RIN2: variants seen among roughly 807,000 people sequenced by gnomAD.
RIN2 encodes Ras and Rab interactor 2.
RIN2 carries 36 observed loss-of-function variants against 78.0 expected under a neutral mutation model. The ratio of observed to expected loss-of-function variants is 0.46; its 90% CI spans 0.35 to 0.61. RIN2 has a LOEUF of 0.61. Among genes scored for constraint, RIN2 ranks in the 20% least tolerant of loss-of-function variants. The pLI, the probability that RIN2 is intolerant of heterozygous loss-of-function variation, is 0.00. For missense variants in RIN2, 1,087 were observed against 1,159.7 expected, an observed-to-expected ratio of 0.94 and a Z score of 0.91; for synonymous variants, 466 against 466.8, an observed-to-expected ratio of 1.00 and a Z score of 0.02.
chr20:19,958,993 T>C (rs1261339536), intron 5 of RIN2, among the ~76,000 whole-genome samples: 1 of 152,190 alleles, frequency 6.6e-6, no homozygotes, highest in Non-Finnish European at 1.5e-5. Context: ...GGGGTGCCCA[T>C]CCTTAATTAT....
chr20:19,816,068 T>G (rs1054205296), intron 2 of RIN2, among the ~76,000 whole-genome samples: 3 of 152,206 alleles, frequency 2.0e-5, no homozygotes, highest in African/African-American at 7.2e-5. Context: ...AAATAGTATT[T>G]GTGGATAGCT....
At chr20:19,949,696 G>A (rs999947296) in intron 4 of RIN2, among the ~76,000 whole-genome samples, 1 of 152,202 alleles carries the variant, frequency 6.6e-6, no homozygotes. Flanking sequence ...GCTCGCGGGA[G>A]CGGGTGATGT....
intron 2 of RIN2, among the ~76,000 whole-genome samples, chr20:19,807,833 G>A (rs2035454813): frequency 6.6e-6 from 1 of 152,236 alleles, no homozygotes; most frequent in South Asian, 2.1e-4. Context: ...CATGGATGCA[G>A]TTTAGCTGGA....
At chr20:19,819,220 C>T (rs2035860127) in intron 2 of RIN2, among the ~76,000 whole-genome samples, 1 of 152,188 alleles carries the variant, frequency 6.6e-6, no homozygotes, top group Non-Finnish European at 1.5e-5. Context: ...AGTCCAAGGT[C>T]CAGGTGCCAG....
intron 2 of RIN2, among the ~76,000 whole-genome samples, chr20:19,801,455 G>C (rs578096041): frequency 2.4e-4 from 36 of 152,132 alleles, no homozygotes; most frequent in African/African-American, 8.4e-4. Flanking sequence ...CGAGTAGCTG[G>C]GACTACAGGC....
Position 20,000,618 on chromosome 20 carries a change from C to A in RIN2, c.2370C>A (p.Tyr790Ter). 6.3e-7 allele frequency: 1 copy of A among 1,593,262 alleles called. No individual in the cohort carries two copies. Among genetic ancestry groups the A allele is most frequent in the South Asian group, 1.1e-5 (1 of 89,292 alleles). The change falls in exon 13 of 13, where the codon TAC (tyrosine) becomes TAA (stop). Residue 790 changes from tyrosine to a stop codon, truncating the protein, a stop_gained. Transcript: ENST00000255006. LOFTEE classifies it high-confidence loss of function. The stretch of plus-strand genomic sequence containing the variant: ...CATTCCTCTTCCACCTGCAGAATTA[C>A]CTCCGAGTTGCATTTCAGGAGGTCA... ...TIPSVDDFQN[Y>*]LRVAFQEVNS...
At chr20:19,903,676 C>A (rs6046442) in intron 3 of RIN2, among the ~76,000 whole-genome samples, 123 of 152,200 alleles carry the variant, frequency 8.1e-4, no homozygotes, top group African/African-American at 2.7e-3. Context: ...ACAGCCCCCA[C>A]GACAAAGAAT....
intron 1 of RIN2, among the ~76,000 whole-genome samples, chr20:19,786,395 C>T (rs908451190): frequency 4.6e-5 from 7 of 152,174 alleles, no homozygotes; most frequent in South Asian, 2.1e-4. Context: ...AAACAGATCA[C>T]ATGACAAAGC....
intron 2 of RIN2, among the ~76,000 whole-genome samples, chr20:19,871,014 G>T (rs374067807): frequency 2.2e-4 from 34 of 152,318 alleles, no homozygotes; most frequent in African/African-American, 6.7e-4. Context: ...AAGCCAATTT[G>T]AATGGGGTTT....
At position 19,766,562 on chromosome 20, in the gene RIN2, G is replaced by A. The variant is rs552527823; in HGVS notation, c.-163+8235G>A. On this transcript the variant is annotated intron_variant, in intron 1 of 12. Coordinates refer to ENST00000255006, the MANE Select transcript of RIN2 (RefSeq NM_018993.4). ...ACAATGGAAGAGATGTCTAAGCTACGGTGGATGGAATCATCAGTGTTAACT... is the reference window on the plus strand; with the variant it reads ...ACAATGGAAGAGATGTCTAAGCTACAGTGGATGGAATCATCAGTGTTAACT... Among the ~76,000 whole-genome samples the A allele has an allele frequency of 5.3e-5, 8 of 152,204 alleles. No homozygotes were observed. The East Asian group carries it at 7.8e-4, about 15-fold the overall frequency.
intron 3 of RIN2, among the ~76,000 whole-genome samples, chr20:19,891,884 G>A (rs2038484841): frequency 6.6e-6 from 1 of 152,254 alleles, no homozygotes; most frequent in African/African-American, 2.4e-5. Context: ...ACATTTCTTA[G>A]GAAGGTGCCC....
At chr20:19,769,924 G>GT (rs1208603419) in intron 1 of RIN2, among the ~76,000 whole-genome samples, 1 of 152,190 alleles carries the variant, frequency 6.6e-6, no homozygotes, top group Non-Finnish European at 1.5e-5. Flanking sequence ...AATAATTATT[G>GT]TAAGAGAAAA....
At chr20:19,888,694 C>T (rs764770155) in intron 2 of RIN2, among the ~76,000 whole-genome samples, 1 of 152,218 alleles carries the variant, frequency 6.6e-6, no homozygotes, top group Non-Finnish European at 1.5e-5. Context: ...TATACTTGAT[C>T]CTGGGACAGT....
chr20:19,806,957 A>T (rs1213700713), intron 2 of RIN2, among the ~76,000 whole-genome samples: 1 of 152,186 alleles, frequency 6.6e-6, no homozygotes, highest in Admixed American at 6.5e-5. Flanking sequence ...TGGCAGATCT[A>T]GGTTGGGCTC....
chr20:19,788,435 A>AAAAAAAAAAAAAACAACAAC (rs2034763522), intron 1 of RIN2, among the ~76,000 whole-genome samples: 4 of 137,808 alleles, frequency 2.9e-5, no homozygotes, highest in African/African-American at 1.2e-4. Context: ...TCTCTGCCAA[A>AAAAAAAAAAAAAACAACAAC]AAAAAAAAAA....
At chr20:19,772,693 T>G (rs144503203) in intron 1 of RIN2, among the ~76,000 whole-genome samples, 1 of 152,314 alleles carries the variant, frequency 6.6e-6, no homozygotes, top group African/African-American at 2.4e-5. Flanking sequence ...CTGCCTCATC[T>G]CAGAACCCTG....
At chr20:19,933,192 G>A (rs2040503600) in intron 3 of RIN2, among the ~76,000 whole-genome samples, 1 of 152,190 alleles carries the variant, frequency 6.6e-6, no homozygotes. Context: ...CCATAAAACA[G>A]ATGTAAAATG....
At chr20:19,965,357 GAC>G (rs1477692840) in intron 7 of RIN2, among the ~76,000 whole-genome samples, 28 of 152,134 alleles carry the variant, frequency 1.8e-4, no homozygotes, top group African/African-American at 5.8e-4. Flanking sequence ...TGCACACACA[GAC>G]ACACATGCAC....
At chr20:19,930,285 C>T (rs2040391424) in intron 3 of RIN2, among the ~76,000 whole-genome samples, 1 of 152,164 alleles carries the variant, frequency 6.6e-6, no homozygotes, top group Non-Finnish European at 1.5e-5. Context: ...GGTGGCATGG[C>T]ATGATTGGTG....
Sources: gnomAD v4.1 joint callset for allele counts (sites outside exome capture counted in the v4.1 genomes callset) on GRCh38, gnomAD v4.1.1 for gene constraint, MANE v1.5 for transcripts, NCBI Gene and HGNC (gene_info 2026-07-23, HGNC 2026-07-21) for gene names.